The following SYN3 variants were observed in gnomAD, a reference collection of about 807,000 sequenced individuals.
SYN3 encodes synapsin III.
A neutral mutation model predicts 65.8 loss-of-function variants in SYN3; 35 were observed. That is an observed-to-expected ratio of 0.53 (90% confidence interval 0.41 to 0.70). The LOEUF is 0.70. SYN3 is among the 30% of genes least tolerant of loss of function. The pLI is 0.00. For missense variants in SYN3, 680 were observed against 749.0 expected (o/e 0.91, Z 1.08); for synonymous variants, 270 against 292.9 (o/e 0.92, Z 0.80).
At chr22:32,513,936 A>G in intron 13 of SYN3, 112 bp from the exon 14 acceptor site, 1 of 1,377,744 alleles carries the variant, frequency 7.3e-7, no homozygotes, top group Admixed American at 2.2e-5. Context: ...TCATAAGGTT[A>G]TGAAGACCAG....
intron 7 of SYN3, among the ~76,000 whole-genome samples, chr22:32,554,252 T>C (rs2058458722): frequency 6.6e-6 from 1 of 152,296 alleles, no homozygotes; most frequent in South Asian, 2.1e-4. Context: ...ATATTGTCTG[T>C]GGCTGGTTGC....
In SYN3 at chr22:33,008,738, ACTCT is replaced by A. The variant is rs138600814; in HGVS notation, c.-162-1918_-162-1915del. Among the ~76,000 whole-genome samples, 881 of 151,780 alleles carry A rather than the reference ACTCT, an allele frequency of 5.8e-3. 6 individuals carry two copies. The highest frequency in any genetic ancestry group is 0.028 in the South Asian group (136 of 4,776). On this transcript the variant is annotated intron_variant, in intron 1 of 13. Coordinates refer to ENST00000358763, the MANE Select transcript of SYN3 (RefSeq NM_003490.4). ...AGACCAGCCTGGCCAACAAGGCAAA[ACTCT>A]CTCTCTACTAAAAGTAAAAATAATT...
rs1242539696 is a variant in SYN3 at position 32,512,074 on chromosome 22, A to G, written c.*1618T>C. 2.0e-5 allele frequency among the ~76,000 whole-genome samples: 3 copies of G among 152,216 alleles called. No homozygotes were observed. Among genetic ancestry groups the G allele is most frequent in the Non-Finnish European group, 4.4e-5 (3 of 68,038 alleles). On this transcript the variant is annotated 3_prime_UTR_variant, in exon 14 of 14. Coordinates refer to ENST00000358763, the MANE Select transcript of SYN3 (RefSeq NM_003490.4). The stretch of plus-strand genomic sequence containing the variant: ...TGAGGTTGAGAGTTCTAAGTGATCC[A>G]ATGCCCACAGAAGGAGAGGGTCTCT...
chr22:32,847,084 C>G (rs542037065), intron 6 of SYN3, among the ~76,000 whole-genome samples: 1 of 152,132 alleles, frequency 6.6e-6, no homozygotes, highest in Non-Finnish European at 1.5e-5. Flanking sequence ...CCCTCCCACA[C>G]CCCCCGGCCA....
At chr22:32,645,250 G>A (rs1340906185) in intron 6 of SYN3, among the ~76,000 whole-genome samples, 1 of 152,078 alleles carries the variant, frequency 6.6e-6, no homozygotes, top group Non-Finnish European at 1.5e-5. Flanking sequence ...TCGGGAGTTC[G>A]AGACCAGCCT....
At chr22:32,626,247 C>T (rs1209843263) in intron 6 of SYN3, among the ~76,000 whole-genome samples, 1 of 152,114 alleles carries the variant, frequency 6.6e-6, no homozygotes, top group Non-Finnish European at 1.5e-5. Context: ...TTTCCTGCCA[C>T]CCTCCTCTGC....
chr22:32,552,653 T>TGATTCAG (rs2058434808), intron 7 of SYN3, among the ~76,000 whole-genome samples: 1 of 152,046 alleles, frequency 6.6e-6, no homozygotes, highest in Admixed American at 6.6e-5. Flanking sequence ...GAAAAGAAAC[T>TGATTCAG]TTGATCAGTA....
At chr22:32,599,796 G>A (rs1007391138) in intron 6 of SYN3, among the ~76,000 whole-genome samples, 3 of 152,174 alleles carry the variant, frequency 2.0e-5, no homozygotes, top group Non-Finnish European at 4.4e-5. Flanking sequence ...TATGTGGCTA[G>A]TTATGTGTCT....
intron 6 of SYN3, among the ~76,000 whole-genome samples, chr22:32,671,973 G>A (rs2060377877): frequency 1.3e-5 from 2 of 152,244 alleles, no homozygotes; most frequent in South Asian, 4.1e-4. Context: ...AGCATCCATG[G>A]TTCCATTCAA....
At chr22:32,618,809 T>G (rs1027666657) in intron 6 of SYN3, among the ~76,000 whole-genome samples, 10 of 152,162 alleles carry the variant, frequency 6.6e-5, no homozygotes, top group African/African-American at 2.4e-4. Context: ...AGCTGAAAGT[T>G]CAAAGTGGGC....
chr22:32,843,645 A>G (rs2047978704), intron 6 of SYN3, among the ~76,000 whole-genome samples: 1 of 152,144 alleles, frequency 6.6e-6, no homozygotes, highest in Non-Finnish European at 1.5e-5. Flanking sequence ...TGGGTAGGGC[A>G]TCATTCCAAC....
chr22:33,032,239 G>A (rs1277804578), intron 1 of SYN3, among the ~76,000 whole-genome samples: 1 of 151,014 alleles, frequency 6.6e-6, no homozygotes, highest in Admixed American at 6.6e-5. Flanking sequence ...TGGGCATGGT[G>A]GCTCACACCT....
At chr22:32,745,834 G>A (rs1488895869) in intron 6 of SYN3, among the ~76,000 whole-genome samples, 1 of 152,170 alleles carries the variant, frequency 6.6e-6, no homozygotes, top group Admixed American at 6.5e-5. Context: ...GCCAGGAAGA[G>A]AGCGAGGAGG....
At chr22:32,818,603 C>T (rs554671916) in intron 6 of SYN3, among the ~76,000 whole-genome samples, 27 of 152,208 alleles carry the variant, frequency 1.8e-4, no homozygotes, top group Non-Finnish European at 2.4e-4. Flanking sequence ...CTTAAAAGGC[C>T]GTGTGTTTGC....
Position 32,510,984 on chromosome 22 carries a change from CGTGT to C in SYN3, c.*2704_*2707del, listed in dbSNP as rs111308299. On this transcript the variant is annotated 3_prime_UTR_variant, in exon 14 of 14. Transcript: ENST00000358763. Reference sequence around the variant, plus strand: ...TGTCAATTCCAAGTTATTGTCCAGGCGTGTGTGTGTGTGTGTGTGTGTGTGTGTG... The same window carrying C: ...TGTCAATTCCAAGTTATTGTCCAGGCGTGTGTGTGTGTGTGTGTGTGTGTG... 9.0e-3 allele frequency among the ~76,000 whole-genome samples: 1,288 copies of C among 142,994 alleles called. 7 individuals carry two copies. The highest frequency in any genetic ancestry group is 0.018 in the Middle Eastern group (5 of 278). 93.8% of individuals were successfully genotyped at this position (142,994 alleles called of 152,430 possible).
intron 4 of SYN3, among the ~76,000 whole-genome samples, chr22:32,924,543 C>T (rs539894693): frequency 5.3e-5 from 8 of 152,292 alleles, no homozygotes; most frequent in African/African-American, 1.9e-4. Context: ...CAAACTGAAC[C>T]TGCAAGACCA....
intron 7 of SYN3, among the ~76,000 whole-genome samples, chr22:32,595,640 C>T (rs2059188098): frequency 6.6e-6 from 1 of 152,106 alleles, no homozygotes; most frequent in Non-Finnish European, 1.5e-5. Context: ...ATTTGGGTCC[C>T]CACCCAAATC....
At chr22:33,041,757 A>C (rs966521657) in intron 1 of SYN3, among the ~76,000 whole-genome samples, 1 of 152,014 alleles carries the variant, frequency 6.6e-6, no homozygotes, top group Non-Finnish European at 1.5e-5. Flanking sequence ...CATTCACTCC[A>C]AAATCCCTCC....
At chr22:32,655,553 C>A (rs968824234) in intron 6 of SYN3, among the ~76,000 whole-genome samples, 1 of 152,134 alleles carries the variant, frequency 6.6e-6, no homozygotes, top group Non-Finnish European at 1.5e-5. Context: ...CCGCACTCTG[C>A]CTCCTGTTAG....
Sources: gnomAD v4.1 joint callset for allele counts (sites outside exome capture counted in the v4.1 genomes callset) on GRCh38, gnomAD v4.1.1 for gene constraint, MANE v1.5 for transcripts, NCBI Gene and HGNC (gene_info 2026-07-23, HGNC 2026-07-21) for gene names.